CALN1: variants seen among roughly 807,000 people sequenced by gnomAD.
The protein encoded by CALN1 is calcium-binding protein 8.
In CALN1, 17 loss-of-function variants were observed where a neutral mutation model predicts 30.6. The observed-to-expected ratio is 0.56, with a 90% confidence interval of 0.38 to 0.83. The LOEUF (loss-of-function observed/expected upper bound fraction) is 0.83, where lower values mean the gene tolerates loss of function less well. Ranked by LOEUF, CALN1 falls within the 40% of genes least tolerant of loss-of-function variation. The probability of loss-of-function intolerance (pLI) is 0.00; values close to 1 mark genes in which losing one functional copy is unlikely to be tolerated. For synonymous variants in CALN1, 156 were observed against 131.4 expected (o/e 1.19, Z -1.28); for missense variants, 291 against 354.9 (o/e 0.82, Z 1.45).
At chr7:72,335,100 G>A (rs1391906487) in intron 2 of CALN1, among the ~76,000 whole-genome samples, 1 of 152,132 alleles carries the variant, frequency 6.6e-6, no homozygotes, top group Non-Finnish European at 1.5e-5. Flanking sequence ...GTGACACCTG[G>A]ACATGAGTAC....
chr7:72,011,655 A>G (rs1800088913), intron 5 of CALN1, among the ~76,000 whole-genome samples: 1 of 152,138 alleles, frequency 6.6e-6, no homozygotes, highest in African/African-American at 2.4e-5. Flanking sequence ...GATAGCATCC[A>G]TCCTAATCAT....
intron 2 of CALN1, among the ~76,000 whole-genome samples, chr7:72,307,074 G>A (rs951550058): frequency 7.2e-5 from 11 of 152,158 alleles, no homozygotes; most frequent in Non-Finnish European, 1.5e-5. Context: ...TCAGGCAGGG[G>A]CCCTAGCCAG....
At chr7:72,078,423 G>A (rs541259735) in intron 4 of CALN1, among the ~76,000 whole-genome samples, 2 of 152,158 alleles carry the variant, frequency 1.3e-5, no homozygotes, top group East Asian at 1.9e-4. Flanking sequence ...TCAGAGACTC[G>A]CAAGCTGTCC....
Position 72,192,511 on chromosome 7 carries a change from G to A in CALN1, c.244+86175C>T, listed in dbSNP as rs900066203. Among the ~76,000 whole-genome samples the A allele has an allele frequency of 3.9e-5, 6 of 152,090 alleles. No individual in the cohort carries two copies. The South Asian group carries it at 1.2e-3, about 32-fold the overall frequency. ...GATGTTTATGCAGGAAAGTTATCAC[G>A]ATGGATTGTGATAGGGAACTCTGAC... On this transcript the variant is annotated intron_variant, in intron 3 of 6. Transcript: ENST00000395275.
chr7:71,988,542 C>T (rs1434715064), intron 5 of CALN1, among the ~76,000 whole-genome samples: 2 of 152,154 alleles, frequency 1.3e-5, no homozygotes, highest in Non-Finnish European at 2.9e-5. Flanking sequence ...AGTGGAAATT[C>T]CTCCCAGATA....
chr7:72,065,090 TAA>T (rs1399987360), intron 4 of CALN1, among the ~76,000 whole-genome samples: 1 of 148,126 alleles, frequency 6.8e-6, no homozygotes, highest in East Asian at 1.9e-4. Context: ...ATGTTAATAT[TAA>T]TATATGTAAA....
At chr7:72,492,346 A>G in the CALN1 span, among the ~76,000 whole-genome samples, 1 of 152,228 alleles carries the variant, frequency 6.6e-6, no homozygotes, top group South Asian at 2.1e-4. Context: ...CAAATAGCAA[A>G]GCCAGGTCTA....
intron 3 of CALN1, among the ~76,000 whole-genome samples, chr7:72,126,164 A>C (rs1488304217): frequency 4.0e-5 from 6 of 151,770 alleles, no homozygotes; most frequent in Non-Finnish European, 8.8e-5. Flanking sequence ...GAGAACATAC[A>C]ATGTTTGGTT....
chr7:72,208,990 T>C (rs903702269), intron 3 of CALN1, among the ~76,000 whole-genome samples: 121 of 146,666 alleles, frequency 8.3e-4, no homozygotes, highest in Admixed American at 2.2e-3. Flanking sequence ...TCCTACTTCC[T>C]TCCTTCCTTC....
At chr7:72,376,253 A>G (rs1390345204) in intron 2 of CALN1, among the ~76,000 whole-genome samples, 1 of 152,210 alleles carries the variant, frequency 6.6e-6, no homozygotes, top group Non-Finnish European at 1.5e-5. Flanking sequence ...TTTTGTGTAT[A>G]TATCTAGGAG....
intron 6 of CALN1, among the ~76,000 whole-genome samples, chr7:71,803,934 TTGTGTATGTGTGTGCGTGTGTGTG>T (rs980168494): frequency 2.1e-4 from 21 of 101,576 alleles, no homozygotes; most frequent in African/African-American, 8.1e-4. Context: ...GGCTGTGTAT[TTGTGTATGTGTGTGCGTGTGTGTG>T]TGTGTGTGTG....
At chr7:72,011,692 T>C (rs1474094401) in intron 5 of CALN1, among the ~76,000 whole-genome samples, 2 of 152,170 alleles carry the variant, frequency 1.3e-5, no homozygotes, top group East Asian at 1.9e-4. Flanking sequence ...GTTTGCTTCA[T>C]TGAGAGAGAG....
chr7:72,447,725 C>G (rs1432750989), upstream of CALN1, among the ~76,000 whole-genome samples: 1 of 146,088 alleles, frequency 6.8e-6, no homozygotes, highest in Admixed American at 6.8e-5. Context: ...GCACACACAC[C>G]TGCCCACGCA....
chr7:72,139,514 C>T (rs1348044075), intron 3 of CALN1, among the ~76,000 whole-genome samples: 1 of 151,840 alleles, frequency 6.6e-6, no homozygotes, highest in Non-Finnish European at 1.5e-5. Context: ...CATGCCCACC[C>T]TCTTCTAAGC....
At chr7:72,290,905 ACTTT>A (rs373830035) in intron 2 of CALN1, among the ~76,000 whole-genome samples, 125 of 145,486 alleles carry the variant, frequency 8.6e-4, no homozygotes, top group African/African-American at 3.1e-3. Context: ...TGATTCCTAT[ACTTT>A]CTTTCACCTT....
intron 6 of CALN1, among the ~76,000 whole-genome samples, chr7:71,805,375 C>T (rs751212245): frequency 2.4e-4 from 36 of 152,122 alleles, no homozygotes; most frequent in African/African-American, 8.4e-4. Flanking sequence ...AGGCCCAGCC[C>T]GTTCCTTTCC....
intron 5 of CALN1, among the ~76,000 whole-genome samples, chr7:71,844,972 C>T (rs903465931): frequency 6.6e-6 from 1 of 152,152 alleles, no homozygotes; most frequent in Non-Finnish European, 1.5e-5. Flanking sequence ...TCACTGCAAC[C>T]TCTGCCACCC....
rs550506704 is a variant in CALN1 at position 71,864,093 on chromosome 7, C to T, written c.502-53601G>A. Among the ~76,000 whole-genome samples the T allele has an allele frequency of 1.7e-4, 20 of 119,826 alleles. No homozygotes were observed. In the East Asian group the frequency reaches 3.6e-3, roughly 21 times the overall value. The allele number at this position is 119,826 out of a possible 152,430, so 78.6% of individuals were successfully genotyped here. Reference sequence around the variant, plus strand: ...ATTTTTAATGTTTAAATAAGATCCTCCCCCCCGATTACAATTCTTCAAATA... The same window carrying T: ...ATTTTTAATGTTTAAATAAGATCCTTCCCCCCGATTACAATTCTTCAAATA... On this transcript the variant is annotated intron_variant, in intron 5 of 6. Coordinates refer to ENST00000395275, the MANE Select transcript of CALN1 (RefSeq NM_031468.4).
At chr7:72,214,489 AG>A (rs1394931607) in intron 3 of CALN1, among the ~76,000 whole-genome samples, 2 of 152,154 alleles carry the variant, frequency 1.3e-5, no homozygotes, top group Non-Finnish European at 2.9e-5. Context: ...AGAAAAAAAA[AG>A]AAAAAGAAGA....
Sources: allele counts gnomAD v4.1 joint callset (sites outside exome capture counted in the v4.1 genomes callset), GRCh38; gene constraint gnomAD v4.1.1; transcripts MANE v1.5; gene names NCBI Gene and HGNC (gene_info 2026-07-23, HGNC 2026-07-21).